Variants in GSDME observed in about 807,000 individuals in gnomAD.
The protein encoded by GSDME is gasdermin-E.
GSDME carries 44 observed loss-of-function variants against 47.5 expected under a neutral mutation model. The ratio of observed to expected loss-of-function variants is 0.93; its 90% CI spans 0.73 to 1.19. The LOEUF (loss-of-function observed/expected upper bound fraction) is 1.19. Ranked by LOEUF, GSDME falls within the 50% of genes most tolerant of loss-of-function variation. GSDME has a pLI of 0.00. For synonymous variants in GSDME, 258 were observed against 252.8 expected (o/e 1.02, Z -0.20); for missense variants, 663 against 604.2 (o/e 1.10, Z -1.02).
chr7:24,771,458 A>G, the GSDME span, among the ~76,000 whole-genome samples: 1 of 152,232 alleles, frequency 6.6e-6, no homozygotes, highest in Non-Finnish European at 1.5e-5. The surrounding 1 kb of genome is among the most constrained non-coding windows in gnomAD (Gnocchi z 4.1). Context: ...TTCACTCAAC[A>G]CATTCATTGA....
Position 24,717,373 on chromosome 7 carries a change from A to G in GSDME, c.578T>C (p.Val193Ala), listed in dbSNP as rs1463948781. 2 of 1,614,116 alleles carry G rather than the reference A, an allele frequency of 1.2e-6. No individual in the cohort carries two copies. The highest frequency in any genetic ancestry group is 1.3e-5 in the African/African-American group (1 of 75,002). The change falls in exon 5 of 10, where the codon GTG (valine) becomes GCG (alanine). Residue 193 changes from valine (V) to alanine (A), a missense_variant and splice_region_variant. By Grantham distance (64) the Val-to-Ala change is moderately conservative. Coordinates refer to ENST00000645220, the MANE Select transcript of GSDME (RefSeq NM_001127453.2). ...GACATTCCCATCCTCCGTCGCTGAC[A>G]CCTGTGGGCAAAAGCGCACACTCCC... ...IVGIQTKTVQ[V>A]SATEDGNVTK... is the part of the protein sequence containing the mutation.
rs1790390763 is a variant in GSDME, at chr7:24,738,764, G to A, written c.404+5798C>T. 3.3e-5 allele frequency among the ~76,000 whole-genome samples: 5 copies of A among 152,112 alleles called. No homozygotes were observed. The South Asian group carries it at 1.0e-3, about 32-fold the overall frequency. ...AGAGCTATAGTCATTAAAACAGTAT[G>A]GTAATGGCATATAAACAAAAATACA... On this transcript the variant is annotated intron_variant, in intron 3 of 9. Coordinates refer to ENST00000645220, the MANE Select transcript of GSDME (RefSeq NM_001127453.2).
chr7:24,764,188 A>T, the GSDME span, among the ~76,000 whole-genome samples: 1 of 152,250 alleles, frequency 6.6e-6, no homozygotes, highest in Non-Finnish European at 1.5e-5. The surrounding 1 kb of genome is among the most constrained non-coding windows in gnomAD (Gnocchi z 4.4). Flanking sequence ...TGGAAAAAGC[A>T]ATTTGGCAAG....
upstream of GSDME, among the ~76,000 whole-genome samples, chr7:24,762,181 G>C (rs1791176365): frequency 1.4e-5 from 2 of 147,914 alleles, no homozygotes; most frequent in South Asian, 4.3e-4. Flanking sequence ...CTGAGCCTGG[G>C]AAGTTGAGGG....
chr7:24,788,968 G>C, the GSDME span, among the ~76,000 whole-genome samples: 1 of 152,130 alleles, frequency 6.6e-6, no homozygotes, highest in Non-Finnish European at 1.5e-5. The surrounding 1 kb of genome is among the most constrained non-coding windows in gnomAD (Gnocchi z 4.6). Flanking sequence ...TTTATAGCTT[G>C]TTTTTCCTTT....
intron 5 of GSDME, chr7:24,715,658 A>G (rs1472510769): frequency 6.3e-6 from 2 of 315,024 alleles, no homozygotes; most frequent in South Asian, 5.2e-5. Context: ...CCTCTTCATG[A>G]TGCACTTTTT....
intron 3 of GSDME, among the ~76,000 whole-genome samples, chr7:24,737,733 C>G (rs564281363): frequency 6.6e-6 from 1 of 151,808 alleles, no homozygotes; most frequent in South Asian, 2.1e-4. Flanking sequence ...TGCAAAAATC[C>G]TCAACAAAAT....
chr7:24,763,340 T>C, the GSDME span, among the ~76,000 whole-genome samples: 9 of 151,864 alleles, frequency 5.9e-5, no homozygotes, highest in Non-Finnish European at 1.3e-4. This position sits in a 1 kb window ranked among gnomAD's most constrained non-coding sequence, Gnocchi z 4.3. Flanking sequence ...ACAGCTTCTC[T>C]TTGGAATATC....
Position 24,757,074 on chromosome 7 carries a change from C to G in GSDME, c.-20+322G>C, listed in dbSNP as rs1476522. Among the ~76,000 whole-genome samples the G allele has an allele frequency of 0.62, 94,244 of 151,884 alleles. 31,374 individuals carry two copies. Among genetic ancestry groups the G allele is most frequent in the African/African-American group, 0.86 (35,796 of 41,464 alleles). On this transcript the variant is annotated intron_variant, in intron 1 of 9. Transcript: ENST00000645220. The surrounding 1 kb of genome is among the most constrained non-coding windows in gnomAD (Gnocchi z 5.9). ...GAGAACGAAAATACCAGCTGCGCTT[C>G]CAACATCCAAGGAAGGAAGTGGCAG...
upstream of GSDME, among the ~76,000 whole-genome samples, chr7:24,760,231 C>T (rs549507113): frequency 4.6e-5 from 7 of 152,302 alleles, no homozygotes; most frequent in South Asian, 1.0e-3. This position sits in a 1 kb window ranked among gnomAD's most constrained non-coding sequence, Gnocchi z 4.2. Flanking sequence ...AGGAAAAATA[C>T]GCAAAGGGCA....
At chr7:24,704,220 A>G (rs947382917) in intron 8 of GSDME, 4 of 152,224 alleles carry the variant, frequency 2.6e-5, no homozygotes, top group African/African-American at 9.7e-5. Context: ...AACTGAAATT[A>G]TTTTGATTGC....
chr7:24,702,862 T>C, intron 8 of GSDME, 29 bp from the exon 9 acceptor site: 4 of 1,605,286 alleles, frequency 2.5e-6, no homozygotes, highest in Middle Eastern at 1.7e-4. Flanking sequence ...ACAGTCACAG[T>C]CCAAAAAAAC....
Position 24,735,698 on chromosome 7 carries a change from C to T in GSDME, c.404+8864G>A, listed in dbSNP as rs1479508646. ...ACTGGAACCTGGGAGGTAGAGGTTG[C>T]GATGAGCCGAGATTGCACCACTGCA... On this transcript the variant is annotated intron_variant, in intron 3 of 9. Transcript: ENST00000645220. This position sits in a 1 kb window ranked among gnomAD's most constrained non-coding sequence, Gnocchi z 4.4. Among the ~76,000 whole-genome samples the T allele has an allele frequency of 6.6e-6, 1 of 151,612 alleles. No homozygotes were observed. Among genetic ancestry groups the T allele is most frequent in the East Asian group, 1.9e-4 (1 of 5,166 alleles).
the GSDME span, among the ~76,000 whole-genome samples, chr7:24,792,708 C>T: frequency 6.6e-5 from 10 of 152,018 alleles, no homozygotes; most frequent in East Asian, 1.9e-4. Flanking sequence ...TTTCTTGACT[C>T]GGGTGTGATG....
At chr7:24,777,552 A>G in the GSDME span, among the ~76,000 whole-genome samples, 1 of 152,196 alleles carries the variant, frequency 6.6e-6, no homozygotes, top group Non-Finnish European at 1.5e-5. Context: ...CTGAACAGGA[A>G]GCCCACACCT....
the GSDME span, among the ~76,000 whole-genome samples, chr7:24,787,094 C>A: frequency 6.6e-6 from 1 of 152,304 alleles, no homozygotes; most frequent in East Asian, 1.9e-4. The surrounding 1 kb of genome is among the most constrained non-coding windows in gnomAD (Gnocchi z 5.0). Flanking sequence ...TACTCTCCAA[C>A]CTTTGTCTCA....
intron 3 of GSDME, among the ~76,000 whole-genome samples, chr7:24,729,190 G>A (rs755306256): frequency 6.6e-6 from 1 of 152,244 alleles, no homozygotes; most frequent in African/African-American, 2.4e-5. Context: ...AAACGCAGCT[G>A]ATGCCCAGAA....
intron 4 of GSDME, among the ~76,000 whole-genome samples, chr7:24,717,964 G>A (rs1477116165): frequency 6.6e-6 from 1 of 152,238 alleles, no homozygotes; most frequent in African/African-American, 2.4e-5. Flanking sequence ...CCTGGTGAGA[G>A]GAAGATGAGA....
chr7:24,736,205 A>G lies in GSDME; in HGVS notation c.404+8357T>C, dbSNP rs913226107. On this transcript the variant is annotated intron_variant, in intron 3 of 9. Transcript: ENST00000645220. This position sits in a 1 kb window ranked among gnomAD's most constrained non-coding sequence, Gnocchi z 4.6. ...ATAATTGAATGTAACTAAACTCTCC[A>G]ATTAAAAGACATACACTGGCTAAAT... 6.6e-6 allele frequency among the ~76,000 whole-genome samples: 1 copy of G among 152,210 alleles called. No individual in the cohort carries two copies. The highest frequency in any genetic ancestry group is 1.5e-5 in the Non-Finnish European group (1 of 68,036).
Sources: allele counts gnomAD v4.1 joint callset (sites outside exome capture counted in the v4.1 genomes callset), GRCh38; gene constraint gnomAD v4.1.1; non-coding constraint Gnocchi (gnomAD v3.1); transcripts MANE v1.5; gene names NCBI Gene and HGNC (gene_info 2026-07-23, HGNC 2026-07-21).